CHD2: variants seen among roughly 807,000 people sequenced by gnomAD.
CHD2 encodes the protein chromodomain helicase DNA binding protein 2, also known as ATP-dependent chromatin remodeler CHD2.
A neutral mutation model predicts 243.9 loss-of-function variants in CHD2; 28 were observed. The ratio of observed to expected loss-of-function variants is 0.11; its 90% CI spans 0.09 to 0.16. The LOEUF is 0.16. CHD2 is among the 10% of genes least tolerant of loss of function. CHD2 has a pLI of 1.00. For missense variants in CHD2, 1,386 were observed against 2,209.8 expected (o/e 0.63, Z 7.47); for synonymous variants, 775 against 779.0 (o/e 0.99, Z 0.09).
In CHD2 at chr15:92,985,687, C is replaced by G. The variant is rs1220084114; in HGVS notation, c.3413+14C>G. Reference sequence around the variant, plus strand: ...AGAGATCCGAAGGTTGGTGGAGGCTCTGTTCTCACTGAGCTTGTTTGAAAG... The same window carrying G: ...AGAGATCCGAAGGTTGGTGGAGGCTGTGTTCTCACTGAGCTTGTTTGAAAG... On this transcript the variant is annotated intron_variant, in intron 26 of 38. Transcript: ENST00000394196. The G allele has an allele frequency of 1.2e-6, 2 of 1,602,622 alleles. No homozygotes were observed. The highest frequency in any genetic ancestry group is 1.7e-6 in the Non-Finnish European group (2 of 1,175,840).
intron 17 of CHD2, among the ~76,000 whole-genome samples, chr15:92,969,183 A>G (rs1191777662): frequency 2.0e-5 from 3 of 152,224 alleles, no homozygotes; most frequent in African/African-American, 7.2e-5. Context: ...TGGCAACTCT[A>G]GATACTTCCA....
intron 28 of CHD2, 87 bp downstream of exon 28, chr15:92,993,085 T>A: frequency 1.4e-6 from 2 of 1,405,854 alleles, no homozygotes; most frequent in Non-Finnish European, 2.0e-6. Context: ...AAGGACAGGC[T>A]TGAGGACCAC....
chr15:92,939,252 C>T (rs931968168), intron 6 of CHD2, among the ~76,000 whole-genome samples: 1 of 152,082 alleles, frequency 6.6e-6, no homozygotes, highest in African/African-American at 2.4e-5. Context: ...TCCAGTTTGC[C>T]CACCAAAGAG....
At chr15:92,966,434 A>G (rs924761097) in intron 16 of CHD2, among the ~76,000 whole-genome samples, 2 of 152,068 alleles carry the variant, frequency 1.3e-5, no homozygotes, top group Non-Finnish European at 2.9e-5. Flanking sequence ...ATGTTCTTGG[A>G]GTATTTGCTT....
At chr15:92,922,838 C>A (rs774283393) in intron 2 of CHD2, among the ~76,000 whole-genome samples, 84 of 152,134 alleles carry the variant, frequency 5.5e-4, no homozygotes, top group African/African-American at 2.0e-3. Flanking sequence ...TGCTTTTTCA[C>A]CATTAGAGGA....
intron 37 of CHD2, among the ~76,000 whole-genome samples, chr15:93,019,347 C>G (rs935838570): frequency 6.6e-6 from 1 of 152,184 alleles, no homozygotes; most frequent in Non-Finnish European, 1.5e-5. Flanking sequence ...TGTTAAGAGT[C>G]TGCCACAGAT....
rs377557426 is a variant in CHD2 at position 93,012,326 on chromosome 15, T to C, written c.4593-19T>C. The C allele has an allele frequency of 3.4e-4, 525 of 1,543,456 alleles. No homozygotes were observed. Among genetic ancestry groups the C allele is most frequent in the South Asian group, 4.2e-4 (36 of 85,136 alleles). Reference sequence around the variant, plus strand: ...TTCTAATTCTATAATTCACCAGAACTGTTCATTTTTCTTTTTAGGAACCTA... The same window carrying C: ...TTCTAATTCTATAATTCACCAGAACCGTTCATTTTTCTTTTTAGGAACCTA... On this transcript the variant is annotated intron_variant, in intron 35 of 38. Coordinates refer to ENST00000394196, the MANE Select transcript of CHD2 (RefSeq NM_001271.4).
In CHD2 at chr15:92,993,012, G is replaced by A. The variant is rs907352930; in HGVS notation, c.3595+14G>A. ...ATGCCAGCGAGGGTAAGCGAAGTTGGCTTTAGTGAGTCTTCGCAACCTGGC... is the reference window on the plus strand; with the variant it reads ...ATGCCAGCGAGGGTAAGCGAAGTTGACTTTAGTGAGTCTTCGCAACCTGGC... On this transcript the variant is annotated intron_variant, in intron 28 of 38. Transcript: ENST00000394196. 10 of 1,612,492 alleles carry A rather than the reference G, an allele frequency of 6.2e-6. No individual in the cohort carries two copies. The Admixed American group carries it at 6.7e-5, about 11-fold the overall frequency.
intron 16 of CHD2, among the ~76,000 whole-genome samples, chr15:92,964,547 T>C (rs558772487): frequency 6.6e-6 from 1 of 152,356 alleles, no homozygotes; most frequent in Non-Finnish European, 1.5e-5. Context: ...ACTCAAATGT[T>C]ACAGGCTATT....
intron 27 of CHD2, 102 bp from the exon 28 acceptor site, chr15:92,992,757 G>A (rs768040008): frequency 7.0e-7 from 1 of 1,436,944 alleles, no homozygotes; most frequent in South Asian, 1.3e-5. Context: ...AAAGAAAAGT[G>A]TCTTTGCAGG....
chr15:92,974,293 CA>C (rs1438170704), intron 19 of CHD2, among the ~76,000 whole-genome samples: 3 of 152,126 alleles, frequency 2.0e-5, no homozygotes, highest in African/African-American at 7.2e-5. Context: ...CTTGAATTCT[CA>C]TGTAGTTTAG....
chr15:93,021,905 G>A (rs1009189281), intron 38 of CHD2: 4 of 152,200 alleles, frequency 2.6e-5, no homozygotes, highest in Non-Finnish European at 5.9e-5. Context: ...CATTTACCTT[G>A]TTGGGTGCTG....
At chr15:92,964,158 C>CT (rs1424014663) in intron 16 of CHD2, among the ~76,000 whole-genome samples, 1 of 152,146 alleles carries the variant, frequency 6.6e-6, no homozygotes, top group Non-Finnish European at 1.5e-5. Context: ...CAAAATTTTC[C>CT]TTTGGCCAGT....
chr15:92,956,372 G>T (rs1240872391), intron 15 of CHD2, 87 bp from the exon 16 acceptor site: 3 of 908,252 alleles, frequency 3.3e-6, no homozygotes, highest in Non-Finnish European at 5.2e-6. Flanking sequence ...CTTTGTAATG[G>T]TATTTATACA....
At chr15:92,944,335 C>A in intron 9 of CHD2, 80 bp from the exon 10 acceptor site, 1 of 683,856 alleles carries the variant, frequency 1.5e-6, no homozygotes. Flanking sequence ...TTTTCTTTTC[C>A]ACCTTTGACT....
chr15:93,015,096 T>G lies in CHD2; in HGVS notation c.4906+187T>G, dbSNP rs146614712. Among the ~76,000 whole-genome samples, 13 of 152,290 alleles carry G rather than the reference T, an allele frequency of 8.5e-5. No individual in the cohort carries two copies. In the East Asian group the frequency reaches 2.3e-3, roughly 27 times the overall value. On this transcript the variant is annotated intron_variant, in intron 37 of 38. Transcript: ENST00000394196. ...CCCCCAATTTTTTTTTTTGTTTGTT[T>G]GAGACTGAGTCTTGCTCTGTCACCC... is the stretch of plus-strand genomic sequence containing the variant.
chr15:92,947,810 C>G (rs1441982912), intron 12 of CHD2, among the ~76,000 whole-genome samples: 1 of 152,122 alleles, frequency 6.6e-6, no homozygotes, highest in Non-Finnish European at 1.5e-5. Flanking sequence ...TCACTGCCAG[C>G]CGCCCTCATA....
intron 16 of CHD2, among the ~76,000 whole-genome samples, chr15:92,960,950 G>T (rs972322811): frequency 6.6e-6 from 1 of 151,778 alleles, no homozygotes; most frequent in African/African-American, 2.4e-5. Context: ...ACTCCTGGCC[G>T]TAAGTGATCT....
chr15:92,999,926 G>A (rs1338848251), intron 31 of CHD2, among the ~76,000 whole-genome samples: 4 of 152,000 alleles, frequency 2.6e-5, no homozygotes, highest in Non-Finnish European at 5.9e-5. Flanking sequence ...TGTGTCTTTA[G>A]GATGGATTCC....
Sources: allele counts gnomAD v4.1 joint callset (sites outside exome capture counted in the v4.1 genomes callset), GRCh38; gene constraint gnomAD v4.1.1; transcripts MANE v1.5; gene names NCBI Gene and HGNC (gene_info 2026-07-23, HGNC 2026-07-21).